The following TEX14 variants were observed in gnomAD, a reference collection of about 807,000 sequenced individuals.
TEX14 encodes inactive serine/threonine-protein kinase TEX14.
In TEX14, 168 loss-of-function variants were observed where a neutral mutation model predicts 178.6. The ratio of observed to expected loss-of-function variants is 0.94; its 90% CI spans 0.83 to 1.07. The LOEUF is 1.07. TEX14 is among the 50% of genes least tolerant of loss of function. TEX14 has a pLI of 0.00. For synonymous variants in TEX14, 626 were observed against 634.1 expected (o/e 0.99, Z 0.19); for missense variants, 1,730 against 1,753.6 (o/e 0.99, Z 0.24).
intron 1 of TEX14, among the ~76,000 whole-genome samples, chr17:58,689,888 C>T (rs574820183): frequency 3.2e-4 from 48 of 149,242 alleles, no homozygotes; most frequent in Non-Finnish European, 6.1e-4. Flanking sequence ...CTCGCTCTGT[C>T]GCCCAGGCTG....
At chr17:58,654,671 T>G (rs1042142326) in intron 1 of TEX14, among the ~76,000 whole-genome samples, 1 of 151,998 alleles carries the variant, frequency 6.6e-6, no homozygotes, top group Non-Finnish European at 1.5e-5. Context: ...CATTACCAGC[T>G]AATTTTTGTA....
At chr17:58,642,259 T>A (rs1233660822) in intron 2 of TEX14, among the ~76,000 whole-genome samples, 1 of 152,206 alleles carries the variant, frequency 6.6e-6, no homozygotes, top group Non-Finnish European at 1.5e-5. Context: ...GACATTCACA[T>A]GGCACAGTGT....
intron 1 of TEX14, among the ~76,000 whole-genome samples, chr17:58,683,762 CAAAA>C (rs998966382): frequency 1.3e-5 from 1 of 75,700 alleles, no homozygotes; most frequent in Non-Finnish European, 2.6e-5. Flanking sequence ...GACTCCAGCT[CAAAA>C]AAAAAAAAAG....
chr17:58,585,907 A>T lies in TEX14; in HGVS notation c.2964T>A (p.His988Gln). The T allele has an allele frequency of 6.2e-7, 1 of 1,613,736 alleles. No individual in the cohort carries two copies. The change falls in exon 18 of 32, where the codon CAT becomes CAA. Residue 988 changes from histidine (H) to glutamine (Q), a missense_variant. This residue lies in a region of TEX14 where 941 missense variants were observed against 1,072.4 expected (regional missense o/e 0.88). Transcript: ENST00000349033. ...NTDWQRVIEY[H>Q]RENDEPRGNG... is the part of the protein sequence containing the mutation. ...TTCCTCTGGGCTCATCATTTTCCCT[A>T]TGATACTCAATAACTCGCTGCCAAT...
intron 1 of TEX14, among the ~76,000 whole-genome samples, chr17:58,669,893 T>A (rs2047276603): frequency 6.6e-6 from 1 of 152,140 alleles, no homozygotes; most frequent in Non-Finnish European, 1.5e-5. Context: ...CCTTCAATAC[T>A]CCTTACTGCC....
intron 1 of TEX14, among the ~76,000 whole-genome samples, chr17:58,654,398 G>T (rs549460121): frequency 4.7e-5 from 7 of 149,800 alleles, no homozygotes; most frequent in Non-Finnish European, 8.9e-5. Flanking sequence ...CCTAGTTAAA[G>T]ATTAGATATA....
Position 58,571,235 on chromosome 17 carries a change from CT to C in TEX14, c.3717+685del, listed in dbSNP as rs11456555. 8.9e-3 allele frequency among the ~76,000 whole-genome samples: 1,133 copies of C among 127,210 alleles called. 10 individuals carry two copies. Among genetic ancestry groups the C allele is most frequent in the African/African-American group, 0.031 (1,040 of 33,812 alleles). 83.5% of individuals were successfully genotyped at this position (127,210 alleles called of 152,430 possible). A position where few individuals can be genotyped will look rare whatever the true frequency, so the allele number is the denominator to read the frequency against. The stretch of plus-strand genomic sequence containing the variant: ...ATAAAGGAACTTGTACTTTTCTTTT[CT>C]TTTTTTTTTTTTTTTTGGAGACAGG... On this transcript the variant is annotated intron_variant, in intron 24 of 31. Coordinates refer to ENST00000349033, the MANE Select transcript of TEX14 (RefSeq NM_031272.5).
At chr17:58,656,751 C>CAAA (rs71143264) in intron 1 of TEX14, among the ~76,000 whole-genome samples, 1 of 130,568 alleles carries the variant, frequency 7.7e-6, no homozygotes, top group Non-Finnish European at 1.6e-5. Flanking sequence ...GACTCTGTCT[C>CAAA]AAAAAAAAAA....
chr17:58,565,078 C>A (rs1011834097), intron 27 of TEX14, 110 bp from the exon 28 acceptor site: 48 of 571,630 alleles, frequency 8.4e-5, no homozygotes, highest in Non-Finnish European at 1.1e-4. Flanking sequence ...CTGAAGTGTG[C>A]AATGCATTAG....
intron 29 of TEX14, among the ~76,000 whole-genome samples, chr17:58,561,048 T>C (rs2044263957): frequency 6.6e-6 from 1 of 152,240 alleles, no homozygotes; most frequent in South Asian, 2.1e-4. Flanking sequence ...CAGAAGCTTC[T>C]GATGAAAACT....
Position 58,564,869 on chromosome 17 carries a change from C to T in TEX14, c.4064G>A (p.Arg1355Lys). Residue 1355 changes from arginine to lysine, a missense_variant and splice_region_variant, in exon 28 of 32, where the codon AGA (arginine) becomes AAA (lysine). Physicochemically the swap from Arg to Lys is conservative, Grantham distance 26 (BLOSUM62 2). Transcript: ENST00000349033. ...TCAACAGTCCAGCTTTTCCTGTTAC[C>T]TCTCTGTGTCCTCTCCAAGATCTTC... ...ETEDLGEDTE[R>K]AHSTLDEDLE... 4 of 1,555,954 alleles carry T rather than the reference C, an allele frequency of 2.6e-6. No homozygotes were observed. Among genetic ancestry groups the T allele is most frequent in the African/African-American group, 1.4e-5 (1 of 72,496 alleles).
Position 58,573,223 on chromosome 17 carries a change from T to C in TEX14, c.3469A>G (p.Ile1157Val). The change falls in exon 23 of 32, where the codon ATA becomes GTA. Residue 1157 changes from isoleucine (I) to valine (V), a missense_variant. Coordinates refer to ENST00000349033, the MANE Select transcript of TEX14 (RefSeq NM_031272.5). ...FKEASCKTPK[I>V]NHAPTSVSTP... ...CTGACACTGGTAGGTGCATGGTTTA[T>C]TTTGGGTGTTTTGCATGAAGCTTCC... 1.2e-6 allele frequency: 2 copies of C among 1,614,184 alleles called. No homozygotes were observed. The highest frequency in any genetic ancestry group is 1.7e-6 in the Non-Finnish European group (2 of 1,180,012).
At chr17:58,661,264 T>C (rs749827697) in intron 1 of TEX14, 3 of 801,536 alleles carry the variant, frequency 3.7e-6, no homozygotes, top group African/African-American at 3.4e-5. Flanking sequence ...TTAAGTATTT[T>C]ATAAAGTGTT....
At chr17:58,635,287 ACAAGAAGAAATTACAGTCAAGGGAAG>A (rs1361418831) in intron 2 of TEX14, among the ~76,000 whole-genome samples, 1 of 152,182 alleles carries the variant, frequency 6.6e-6, no homozygotes, top group East Asian at 1.9e-4. Flanking sequence ...ATAGTTATTG[ACAAGAAGAAATTACAGTCAAGGGAAG>A]CAGGCTGACA....
chr17:58,663,751 A>G (rs1397223162), intron 1 of TEX14, among the ~76,000 whole-genome samples: 2 of 152,138 alleles, frequency 1.3e-5, no homozygotes, highest in Non-Finnish European at 2.9e-5. Flanking sequence ...TACAGGCATG[A>G]GCCAATGTGC....
At chr17:58,637,969 C>A (rs543264157) in intron 2 of TEX14, among the ~76,000 whole-genome samples, 137 of 150,408 alleles carry the variant, frequency 9.1e-4, no homozygotes, top group African/African-American at 3.0e-3. Context: ...TCAAGCAATT[C>A]TCCTGCCTCA....
intron 20 of TEX14, among the ~76,000 whole-genome samples, chr17:58,577,997 A>G (rs1315542146): frequency 6.6e-6 from 1 of 152,204 alleles, no homozygotes; most frequent in Non-Finnish European, 1.5e-5. Flanking sequence ...AGTTCTCAGT[A>G]AGATGCTTTG....
chr17:58,641,399 T>TAAAAC (rs1168726073), intron 2 of TEX14, among the ~76,000 whole-genome samples: 11 of 151,902 alleles, frequency 7.2e-5, no homozygotes, highest in South Asian at 2.1e-4. Context: ...ACAAGACTCT[T>TAAAAC]AAAACAAAAC....
rs183352251 is a variant in TEX14 at position 58,610,177 on chromosome 17, T to G, written c.1184+984A>C. Reference sequence around the variant, plus strand: ...AACTCCTGAATTTTGACTGCCTCTCTCACTGTGCTGAGCCCCTTGAGGGCA... The same window carrying G: ...AACTCCTGAATTTTGACTGCCTCTCGCACTGTGCTGAGCCCCTTGAGGGCA... On this transcript the variant is annotated intron_variant, in intron 10 of 31. Coordinates refer to ENST00000349033, the MANE Select transcript of TEX14 (RefSeq NM_031272.5). 7.2e-5 allele frequency among the ~76,000 whole-genome samples: 11 copies of G among 152,356 alleles called. 1 individual carries two copies. The highest frequency in any genetic ancestry group is 6.5e-4 in the Admixed American group (10 of 15,296).
Sources: allele counts gnomAD v4.1 joint callset (sites outside exome capture counted in the v4.1 genomes callset), GRCh38; gene constraint gnomAD v4.1.1; regional missense constraint gnomAD v4.1.1; transcripts MANE v1.5; gene names NCBI Gene and HGNC (gene_info 2026-07-23, HGNC 2026-07-21).